NOBOX: variants seen among roughly 807,000 people sequenced by gnomAD.
NOBOX encodes the protein homeobox protein NOBOX.
In NOBOX, 46 loss-of-function variants were observed where a neutral mutation model predicts 60.2. The observed-to-expected ratio is 0.76, with a 90% CI of 0.60 to 0.98. NOBOX has a LOEUF of 0.98. Among genes scored for constraint, NOBOX ranks in the 50% least tolerant of loss-of-function variants. The probability of loss-of-function intolerance (pLI) is 0.00; values close to 1 mark genes in which losing one functional copy is unlikely to be tolerated. For missense variants in NOBOX, 880 were observed against 865.5 expected, an observed-to-expected ratio of 1.02 and a Z score of -0.21; for synonymous variants, 360 against 346.3, an observed-to-expected ratio of 1.04 and a Z score of -0.44.
intron 4 of NOBOX, 130 bp downstream of exon 2, chr7:144,400,916 G>A: frequency 1.4e-6 from 1 of 701,588 alleles, no homozygotes. Flanking sequence ...GCCCAAGAGA[G>A]AATCCGGGAC....
chr7:144,403,597 C>T (rs1397080564), intron 2 of NOBOX, 60 bp downstream of exon 1: 16 of 591,148 alleles, frequency 2.7e-5, no homozygotes, highest in Non-Finnish European at 4.4e-5. Flanking sequence ...TCACAGGCCT[C>T]CCCCCCTCCC....
At chr7:144,403,880 G>A (rs1353402616) in intron 2 of NOBOX, among the ~76,000 whole-genome samples, 187 bp from the exon 1 acceptor site, 1 of 151,922 alleles carries the variant, frequency 6.6e-6, no homozygotes, top group Admixed American at 6.5e-5. Context: ...CTCGGCTGGG[G>A]CAGCTGCGAG....
intron 2 of NOBOX, chr7:144,402,091 G>T: frequency 1.6e-6 from 1 of 640,532 alleles, no homozygotes; most frequent in South Asian, 2.0e-5. Flanking sequence ...TCCAGCAGCC[G>T]AGGCAAGAGC....
intron 9 of NOBOX, 105 bp downstream of exon 7, chr7:144,398,177 C>T (rs1436778483): frequency 1.0e-6 from 1 of 993,548 alleles, no homozygotes; most frequent in Non-Finnish European, 1.5e-6. Context: ...AGGATTCATT[C>T]ACCACCCATG....
Position 144,397,290 on chromosome 7 carries a change from AG to A in NOBOX, c.2025del (p.Ser676GlnfsTer?). Reference sequence around the variant, plus strand: ...TCCCCTCTGGCCTCCTCCAGTGCTGAGGGCTGATCCAGGGAAGCAGCTGGTG... The same window carrying A: ...TCCCCTCTGGCCTCCTCCAGTGCTGAGGCTGATCCAGGGAAGCAGCTGGTG... On this transcript the variant is annotated frameshift_variant, in exon 10 of 10. Transcript: ENST00000467773. LOFTEE classifies it low-confidence loss of function (END_TRUNC). The A allele has an allele frequency of 1.3e-6, 2 of 1,537,218 alleles. No individual in the cohort carries two copies. The highest frequency in any genetic ancestry group is 1.7e-6 in the Non-Finnish European group (2 of 1,146,884).
At position 144,398,606 on chromosome 7, in the gene NOBOX, G is replaced by A; in HGVS notation, c.1470-20C>T. ...GTGATGCTGCAAGGACAGAGGAACAGCTGGTGAGGTGCAGGGGTGGGGGAG... is the reference window on the plus strand; with the variant it reads ...GTGATGCTGCAAGGACAGAGGAACAACTGGTGAGGTGCAGGGGTGGGGGAG... On this transcript the variant is annotated intron_variant, in intron 8 of 9. Coordinates refer to ENST00000467773, the MANE Select transcript of NOBOX (RefSeq NM_001080413.3). 6.5e-7 allele frequency: 1 copy of A among 1,527,938 alleles called. No homozygotes were observed. The highest frequency in any genetic ancestry group is 8.8e-7 in the Non-Finnish European group (1 of 1,140,350). 94.6% of individuals were successfully genotyped at this position (1,527,938 alleles called of 1,614,324 possible).
At position 144,398,591 on chromosome 7, in the gene NOBOX, A is replaced by T; in HGVS notation, c.1470-5T>A. On this transcript the variant is annotated splice_region_variant and splice_polypyrimidine_tract_variant and intron_variant, in intron 8 of 9. Transcript: ENST00000467773. ...CAGGGGGGTGGCAGGGTGATGCTGC[A>T]AGGACAGAGGAACAGCTGGTGAGGT... 2 of 1,534,620 alleles carry T rather than the reference A, an allele frequency of 1.3e-6. No homozygotes were observed. Among genetic ancestry groups the T allele is most frequent in the Non-Finnish European group, 1.7e-6 (2 of 1,146,106 alleles).
At chr7:144,403,510 T>TTCC in intron 2 of NOBOX, 147 bp downstream of exon 1, 42 of 349,444 alleles carry the variant, frequency 1.2e-4, no homozygotes, top group South Asian at 1.7e-4. Context: ...GTCGGCCTCC[T>TTCC]CCCACCCTAC....
At chr7:144,400,902 C>T (rs934907054) in intron 4 of NOBOX, 144 bp downstream of exon 2, 19 of 589,544 alleles carry the variant, frequency 3.2e-5, no homozygotes, top group African/African-American at 2.1e-4. Context: ...GTTGCACTAC[C>T]GCGGCCCAAG....
At chr7:144,399,942 G>A in intron 5 of NOBOX, 79 bp from the exon 4 acceptor site, 1 of 1,335,130 alleles carries the variant, frequency 7.5e-7, no homozygotes, top group African/African-American at 1.4e-5. Context: ...TGCACAAGGA[G>A]CTACAGGACT....
intron 2 of NOBOX, chr7:144,403,684 T>C (rs575087258): frequency 1.7e-4 from 116 of 694,816 alleles, no homozygotes; most frequent in Admixed American, 8.2e-4. Context: ...GGATTCTCTG[T>C]GGGTTCCATG....
Position 144,399,082 on chromosome 7 carries a change from G to C in NOBOX, c.1337C>G (p.Pro446Arg). Residue 446 changes from proline to arginine, a missense_variant, in exon 8 of 10, where the codon CCA (proline) becomes CGA (arginine). Transcript: ENST00000467773. ...AGGAAGATCGGCCCTTCGCACAGGT[G>C]GGGGGCTGAAGAGTGGGGGGGTCAC... 1.6e-6 allele frequency: 2 copies of C among 1,267,846 alleles called. No individual in the cohort carries two copies. The highest frequency in any genetic ancestry group is 1.2e-5 in the South Asian group (1 of 83,374). The allele number at this position is 1,267,846 out of a possible 1,614,324, so 78.5% of individuals were successfully genotyped here.
At position 144,404,667 on chromosome 7, in the gene NOBOX, A is replaced by AGCCAGGGGCGGCCCT; in HGVS notation, c.86-2_98dup (p.Gly29_Ala33dup). 1 of 1,613,828 alleles carries AGCCAGGGGCGGCCCT rather than the reference A, an allele frequency of 6.2e-7. No individual in the cohort carries two copies. On this transcript the variant is annotated inframe_insertion, in exon 2 of 10. Transcript: ENST00000467773. ...GTCCACACACAGGAAATTCAGGTAC[A>AGCCAGGGGCGGCCCT]GCCAGGGGCGGCCCTGCCAGGGACG...
At chr7:144,398,622 G>A in intron 8 of NOBOX, 36 bp from the exon 7 acceptor site, 1 of 1,454,996 alleles carries the variant, frequency 6.9e-7, no homozygotes, top group Non-Finnish European at 9.3e-7. Flanking sequence ...GAGGTGCAGG[G>A]GTGGGGGAGC....
chr7:144,404,501 G>A, intron 2 of NOBOX: 1 of 1,494,628 alleles, frequency 6.7e-7, no homozygotes, highest in South Asian at 1.2e-5. Context: ...TGCCCGCCTG[G>A]GCTTCCCAAA....
intron 5 of NOBOX, 71 bp from the exon 4 acceptor site, chr7:144,399,934 C>A: frequency 5.1e-6 from 7 of 1,362,624 alleles, no homozygotes; most frequent in Non-Finnish European, 7.2e-6. Flanking sequence ...CTGGCTGTTG[C>A]ACAAGGAGCT....
chr7:144,405,687 G>A (rs2053980558), intron 1 of NOBOX, among the ~76,000 whole-genome samples: 1 of 152,138 alleles, frequency 6.6e-6, no homozygotes, highest in Non-Finnish European at 1.5e-5. Flanking sequence ...GTATTTCAGT[G>A]GTGGTGTGTG....
At chr7:144,397,622 C>A in intron 9 of NOBOX, 81 bp from the exon 8 acceptor site, 1 of 1,251,002 alleles carries the variant, frequency 8.0e-7, no homozygotes, top group South Asian at 1.6e-5. Flanking sequence ...CAACAGATCC[C>A]CCCGTGCCCC....
chr7:144,401,858 G>T lies in NOBOX; in HGVS notation c.292+11C>A, dbSNP rs769919581. 8 of 1,554,930 alleles carry T rather than the reference G, an allele frequency of 5.1e-6. No individual in the cohort carries two copies. In the East Asian group the frequency reaches 1.8e-4, roughly 35 times the overall value. ...TTAGCTCATGGTATCTCCTAATTTG[G>T]GGGTACTCACCCCTTGTGAGTTCCC... On this transcript the variant is annotated intron_variant, in intron 3 of 9. Transcript: ENST00000467773. The surrounding 1 kb of genome is among the most constrained non-coding windows in gnomAD (Gnocchi z 4.2).
Sources: allele counts gnomAD v4.1 joint callset (sites outside exome capture counted in the v4.1 genomes callset), GRCh38; gene constraint gnomAD v4.1.1; non-coding constraint Gnocchi (gnomAD v3.1); transcripts MANE v1.5; gene names NCBI Gene and HGNC (gene_info 2026-07-23, HGNC 2026-07-21).